Variants in P3H2 observed in about 807,000 individuals in gnomAD.
P3H2 encodes the protein leprecan-like 1.
Under a neutral mutation model 87.0 loss-of-function variants are expected in P3H2, and 80 were observed. That is an observed-to-expected ratio of 0.92 (90% CI 0.77 to 1.11). The LOEUF is 1.11. Ranked by LOEUF, P3H2 falls within the 50% of genes least tolerant of loss-of-function variation. The probability of loss-of-function intolerance (pLI) is 0.00; values close to 1 mark genes in which losing one functional copy is unlikely to be tolerated. For missense variants in P3H2, 1,001 were observed against 923.9 expected (o/e 1.08, Z -1.08); for synonymous variants, 367 against 359.3 (o/e 1.02, Z -0.24).
intron 13 of P3H2, among the ~76,000 whole-genome samples, chr3:189,967,281 G>T (rs1200983664): frequency 6.6e-6 from 1 of 151,640 alleles, no homozygotes; most frequent in Non-Finnish European, 1.5e-5. Context: ...GGGGAGGTTA[G>T]ATTCTGGGTT....
chr3:190,099,896 G>A (rs1276106817), intron 1 of P3H2, among the ~76,000 whole-genome samples: 1 of 152,094 alleles, frequency 6.6e-6, no homozygotes, highest in Non-Finnish European at 1.5e-5. Flanking sequence ...AGAATTGAGT[G>A]ATGAAAACTA....
In P3H2 at chr3:189,973,982, C is replaced by A; in HGVS notation, c.1475G>T (p.Gly492Val). 1 of 1,613,898 alleles carries A rather than the reference C, an allele frequency of 6.2e-7. No individual in the cohort carries two copies. Among genetic ancestry groups the A allele is most frequent in the Non-Finnish European group, 8.5e-7 (1 of 1,179,816 alleles). Reference protein sequence around the residue: ...VASGIMLVGDGYRGKTSPHTP... With the variant: ...VASGIMLVGDVYRGKTSPHTP... The stretch of plus-strand genomic sequence containing the variant: ...ATGGGGTGAAGTTTTTCCTCTGTAT[C>A]CATCACCAACAAGCATGATTCCCTG... Residue 492 changes from glycine to valine, a missense_variant, in exon 10 of 15, where the codon GGA becomes GTA. Physicochemically the swap from Gly to Val is moderately radical, Grantham distance 109. Coordinates refer to ENST00000319332, the MANE Select transcript of P3H2 (RefSeq NM_018192.4).
chr3:189,958,129 T>C (rs1226758972), intron 14 of P3H2, 125 bp from the exon 15 acceptor site: 9 of 738,528 alleles, frequency 1.2e-5, no homozygotes, highest in Non-Finnish European at 2.0e-5. Flanking sequence ...AGTTAAGCAT[T>C]GAACACCTCC....
chr3:189,982,152 G>A (rs907125152), intron 8 of P3H2, among the ~76,000 whole-genome samples: 9 of 152,114 alleles, frequency 5.9e-5, no homozygotes, highest in Non-Finnish European at 1.2e-4. Flanking sequence ...CATGCAGCAG[G>A]TGAAGAAGAG....
chr3:190,040,521 C>T (rs143616851), intron 1 of P3H2, among the ~76,000 whole-genome samples: 44 of 152,248 alleles, frequency 2.9e-4, no homozygotes, highest in African/African-American at 8.4e-4. Context: ...ACCAGATATA[C>T]GACTAAAAAT....
intron 1 of P3H2, among the ~76,000 whole-genome samples, chr3:190,006,176 T>TC (rs1724381913): frequency 6.6e-6 from 1 of 152,236 alleles, no homozygotes; most frequent in Admixed American, 6.5e-5. Flanking sequence ...TCGAGTAGCA[T>TC]CAGTCCTGTT....
At chr3:190,078,057 G>C (rs1257915477) in intron 1 of P3H2, among the ~76,000 whole-genome samples, 2 of 152,222 alleles carry the variant, frequency 1.3e-5, no homozygotes, top group Non-Finnish European at 2.9e-5. Context: ...CATAGTTCAA[G>C]AGATGAAAGT....
At chr3:189,987,403 C>T (rs1301976549) in intron 5 of P3H2, 124 bp downstream of exon 5, 9 of 1,089,948 alleles carry the variant, frequency 8.3e-6, no homozygotes, top group South Asian at 5.8e-5. Flanking sequence ...CGCTTGAACC[C>T]GGGAGGCGGA....
chr3:189,990,754 T>C (rs1723852017), intron 3 of P3H2, among the ~76,000 whole-genome samples: 1 of 152,262 alleles, frequency 6.6e-6, no homozygotes, highest in East Asian at 1.9e-4. Flanking sequence ...AGCTGTCATA[T>C]TACTTTTATT....
At chr3:189,958,152 G>T (rs1722697985) in intron 14 of P3H2, 148 bp from the exon 15 acceptor site, 1 of 699,830 alleles carries the variant, frequency 1.4e-6, no homozygotes, top group East Asian at 2.7e-5. Context: ...TTCATCCCCA[G>T]ACAGATGCCT....
At chr3:190,027,282 T>C (rs967117) in intron 1 of P3H2, among the ~76,000 whole-genome samples, 39,416 of 152,092 alleles carry the variant, frequency 0.26, 5,479 homozygotes, top group East Asian at 0.44. Flanking sequence ...GATAATACTA[T>C]ACCATGAAGC....
chr3:189,973,507 CTTTCTTTTTTTTTTTTTTTTT>C (rs1229643113), intron 10 of P3H2, among the ~76,000 whole-genome samples: 2 of 78,990 alleles, frequency 2.5e-5, no homozygotes, highest in African/African-American at 4.7e-5. Context: ...TTCTTTCTTT[CTTTCTTTTTTTTTTTTTTTTT>C]TTTTTTTTTT....
rs1426369827 is a variant in P3H2 at position 189,994,383 on chromosome 3, T to C, written c.634-100A>G. ...AAGGGTTTTTGTTGACTCAGGATCATCTAGGTAGATGGGGTACTGGATGCT... is the reference window on the plus strand; with the variant it reads ...AAGGGTTTTTGTTGACTCAGGATCACCTAGGTAGATGGGGTACTGGATGCT... On this transcript the variant is annotated intron_variant, in intron 2 of 14. Coordinates refer to ENST00000319332, the MANE Select transcript of P3H2 (RefSeq NM_018192.4). 1.1e-5 allele frequency: 10 copies of C among 929,294 alleles called. No homozygotes were observed. The East Asian group carries it at 2.6e-4, about 24-fold the overall frequency. 57.6% of individuals were successfully genotyped at this position (929,294 alleles called of 1,614,324 possible). A position where few individuals can be genotyped will look rare whatever the true frequency, so the allele number is the denominator to read the frequency against.
chr3:189,972,860 G>T lies in P3H2; in HGVS notation c.1699+14C>A. 6.2e-7 allele frequency: 1 copy of T among 1,613,832 alleles called. No individual in the cohort carries two copies. The highest frequency in any genetic ancestry group is 1.1e-5 in the South Asian group (1 of 91,042). On this transcript the variant is annotated intron_variant, in intron 11 of 14. Coordinates refer to ENST00000319332, the MANE Select transcript of P3H2 (RefSeq NM_018192.4). ...TTGTGGGTAAAAGGGAACCATTTCA[G>T]ACTGCAATCTCACCAGACAGGGCTG...
chr3:190,121,528 C>G (rs907355), upstream of P3H2: 2,764 of 152,384 alleles, frequency 0.018, 56 homozygotes, highest in Middle Eastern at 0.044. Context: ...GGGAAGGTTT[C>G]TCCCTTACCT....
intron 1 of P3H2, among the ~76,000 whole-genome samples, chr3:190,089,352 A>G (rs562035993): frequency 1.1e-4 from 17 of 152,264 alleles, no homozygotes; most frequent in Non-Finnish European, 2.4e-4. Context: ...CATGTACGCT[A>G]CAACTTAAAG....
chr3:190,039,814 T>A (rs1725552248), intron 1 of P3H2, among the ~76,000 whole-genome samples: 1 of 152,182 alleles, frequency 6.6e-6, no homozygotes, highest in African/African-American at 2.4e-5. Flanking sequence ...GGGGAGAAAA[T>A]GAGATTTATT....
intron 1 of P3H2, among the ~76,000 whole-genome samples, chr3:190,115,316 A>C (rs1712246032): frequency 6.6e-6 from 1 of 152,204 alleles, no homozygotes; most frequent in African/African-American, 2.4e-5. Context: ...AAATGGAACA[A>C]AGCAACAACA....
At chr3:190,095,155 C>G (rs1336150037) in intron 1 of P3H2, among the ~76,000 whole-genome samples, 1 of 151,298 alleles carries the variant, frequency 6.6e-6, no homozygotes. Context: ...GCTCATTGTA[C>G]AGACATGAAA....
Sources: gnomAD v4.1 joint callset for allele counts (sites outside exome capture counted in the v4.1 genomes callset) on GRCh38, gnomAD v4.1.1 for gene constraint, MANE v1.5 for transcripts, NCBI Gene and HGNC (gene_info 2026-07-23, HGNC 2026-07-21) for gene names.